Variants in MEI1 observed in about 807,000 individuals in gnomAD.
MEI1 encodes the protein meiosis inhibitor protein 1.
MEI1 carries 103 observed loss-of-function variants against 146.2 expected under a neutral mutation model. The ratio of observed to expected loss-of-function variants is 0.70; its 90% CI spans 0.60 to 0.83. MEI1 has a LOEUF of 0.83. Among genes scored for constraint, MEI1 ranks in the 40% least tolerant of loss-of-function variants. MEI1 has a pLI of 0.00. For synonymous variants in MEI1, 652 were observed against 628.2 expected, an observed-to-expected ratio of 1.04 and a Z score of -0.57; for missense variants, 1,529 against 1,533.0, an observed-to-expected ratio of 1.00 and a Z score of 0.04.
chr22:41,793,530 G>A (rs992413130), intron 26 of MEI1, among the ~76,000 whole-genome samples: 4 of 151,470 alleles, frequency 2.6e-5, no homozygotes, highest in Admixed American at 6.6e-5. Flanking sequence ...TCAAACTCCC[G>A]ACCTCAGGTG....
intron 6 of MEI1, among the ~76,000 whole-genome samples, chr22:41,723,387 A>AT (rs956458371): frequency 2.0e-5 from 3 of 151,732 alleles, no homozygotes; most frequent in African/African-American, 4.8e-5. Context: ...TACTTTTTGT[A>AT]TTTTTTTACT....
intron 14 of MEI1, 29 bp downstream of exon 14, chr22:41,746,055 GA>G: frequency 1.3e-6 from 2 of 1,543,334 alleles, no homozygotes; most frequent in Non-Finnish European, 1.8e-6. Flanking sequence ...CGGGCAACAT[GA>G]AGCTTGGGGA....
chr22:41,715,453 TG>T, intron 4 of MEI1, among the ~76,000 whole-genome samples: 1 of 151,816 alleles, frequency 6.6e-6, no homozygotes, highest in African/African-American at 2.4e-5. Flanking sequence ...TGGAGTGCAG[TG>T]GCGCAATCTT....
intron 19 of MEI1, among the ~76,000 whole-genome samples, chr22:41,763,862 A>T (rs1298065817): frequency 6.6e-6 from 1 of 152,184 alleles, no homozygotes; most frequent in African/African-American, 2.4e-5. Flanking sequence ...ACAGGAAAAG[A>T]ATCAAGCACT....
rs1188121532 is a variant in MEI1, at chr22:41,793,829, A to T, written c.3346A>T (p.Lys1116Ter). Residue 1116 changes from lysine (K) to a stop codon, truncating the protein, a stop_gained and splice_region_variant, in exon 27 of 31, where the codon AAG (lysine) becomes TAG (stop). Transcript: ENST00000401548. LOFTEE classifies it high-confidence loss of function. Reference protein sequence around the residue: ...VIGLQNLLVQKDPLLSQACVG... With the variant: ...VIGLQNLLVQ ...TGATTTTTTTTTTTTTTTTCTGCAG[A>T]AGGACCCTCTATTGTCCCAGGCCTG... The T allele has an allele frequency of 3.2e-6, 5 of 1,579,912 alleles. No individual in the cohort carries two copies. The East Asian group carries it at 9.0e-5, about 28-fold the overall frequency.
chr22:41,777,591 T>C (rs982533828), intron 21 of MEI1, among the ~76,000 whole-genome samples: 4 of 152,196 alleles, frequency 2.6e-5, no homozygotes, highest in African/African-American at 9.7e-5. Context: ...CATGTTTAGC[T>C]GATAATACTG....
At chr22:41,763,943 CTTTTTT>C (rs71184839) in intron 19 of MEI1, among the ~76,000 whole-genome samples, 1 of 91,552 alleles carries the variant, frequency 1.1e-5, no homozygotes, top group African/African-American at 4.1e-5. Context: ...GGGAAGTTTC[CTTTTTT>C]TTTTTTTTTT....
At chr22:41,743,393 A>G (rs2073035444) in intron 12 of MEI1, among the ~76,000 whole-genome samples, 199 bp downstream of exon 12, 1 of 152,198 alleles carries the variant, frequency 6.6e-6, no homozygotes, top group South Asian at 2.1e-4. Flanking sequence ...AGATGGGGAA[A>G]CTAAAGCCAC....
chr22:41,722,099 C>T (rs1258907758), intron 6 of MEI1: 3 of 150,816 alleles, frequency 2.0e-5, no homozygotes, highest in Non-Finnish European at 4.4e-5. Context: ...TTATCCTGGT[C>T]AACGGGAGTG....
At chr22:41,783,235 TAC>T (rs1435078944) in intron 24 of MEI1, among the ~76,000 whole-genome samples, 3 of 152,154 alleles carry the variant, frequency 2.0e-5, no homozygotes, top group African/African-American at 7.2e-5. Flanking sequence ...GTGCAGGTAG[TAC>T]AGAGAGTTCC....
At chr22:41,765,823 G>A (rs568928259) in intron 19 of MEI1, among the ~76,000 whole-genome samples, 1 of 143,362 alleles carries the variant, frequency 7.0e-6, no homozygotes, top group Non-Finnish European at 1.5e-5. Context: ...ATTTAACATT[G>A]TATATAATAT....
At position 41,758,260 on chromosome 22, in the gene MEI1, C is replaced by T. The variant is rs1601964368; in HGVS notation, c.1952-105C>T. The T allele has an allele frequency of 7.4e-6, 8 of 1,085,868 alleles. No homozygotes were observed. In the East Asian group the frequency reaches 1.5e-4, roughly 20 times the overall value. The allele number at this position is 1,085,868 out of a possible 1,614,324, so 67.3% of individuals were successfully genotyped here. On this transcript the variant is annotated intron_variant, in intron 17 of 30. Coordinates refer to ENST00000401548, the MANE Select transcript of MEI1 (RefSeq NM_152513.4). ...TTATTTCCCACTATACTGCATTTAC[C>T]CTTGCTGCCCTGTGCAGTACTCTGC...
At chr22:41,708,427 A>G (rs1274261635) in intron 3 of MEI1, among the ~76,000 whole-genome samples, 2 of 151,932 alleles carry the variant, frequency 1.3e-5, no homozygotes, top group Non-Finnish European at 2.9e-5. Context: ...TTCCAAGCCA[A>G]ACTGTATCCA....
intron 11 of MEI1, among the ~76,000 whole-genome samples, chr22:41,736,813 C>T (rs2072413184): frequency 6.6e-6 from 1 of 152,102 alleles, no homozygotes; most frequent in African/African-American, 2.4e-5. Flanking sequence ...AACATAGGTT[C>T]CTGGGATTAG....
At chr22:41,761,109 C>G (rs997202101) in intron 18 of MEI1, among the ~76,000 whole-genome samples, 5 of 152,004 alleles carry the variant, frequency 3.3e-5, no homozygotes, top group Non-Finnish European at 7.4e-5. Flanking sequence ...TTCAGGAGTT[C>G]AAGACCAACA....
At chr22:41,714,234 A>T (rs1420215156) in intron 4 of MEI1, among the ~76,000 whole-genome samples, 159 bp downstream of exon 4, 1 of 152,166 alleles carries the variant, frequency 6.6e-6, no homozygotes, top group Non-Finnish European at 1.5e-5. Flanking sequence ...GCCTGGGTCC[A>T]CTGATCATGC....
intron 17 of MEI1, among the ~76,000 whole-genome samples, chr22:41,757,388 G>A (rs970075679): frequency 2.6e-5 from 4 of 151,328 alleles, no homozygotes; most frequent in South Asian, 2.1e-4. Flanking sequence ...ATGGAGTTTC[G>A]CGCTTGTCAT....
At chr22:41,717,643 T>C (rs2147364644) in intron 5 of MEI1, among the ~76,000 whole-genome samples, 1 of 146,910 alleles carries the variant, frequency 6.8e-6, no homozygotes, top group African/African-American at 2.6e-5. Flanking sequence ...TGAGTTGGAG[T>C]CTCGCTCTGT....
chr22:41,795,003 G>A lies in MEI1; in HGVS notation c.3535-408G>A, dbSNP rs549276046. On this transcript the variant is annotated intron_variant, in intron 28 of 30. Transcript: ENST00000401548. This position sits in a 1 kb window ranked among gnomAD's most constrained non-coding sequence, Gnocchi z 4.2. Reference sequence around the variant, plus strand: ...AGGAAAGAGTAATTGCTTCTCAGCAGTGAAGGTAACATTTTAGCTGTGGCT... The same window carrying A: ...AGGAAAGAGTAATTGCTTCTCAGCAATGAAGGTAACATTTTAGCTGTGGCT... Among the ~76,000 whole-genome samples, 9 of 152,350 alleles carry A rather than the reference G, an allele frequency of 5.9e-5. No homozygotes were observed. The highest frequency in any genetic ancestry group is 2.6e-4 in the Admixed American group (4 of 15,304).
Sources: allele counts gnomAD v4.1 joint callset (sites outside exome capture counted in the v4.1 genomes callset), GRCh38; gene constraint gnomAD v4.1.1; non-coding constraint Gnocchi (gnomAD v3.1); transcripts MANE v1.5; gene names NCBI Gene and HGNC (gene_info 2026-07-23, HGNC 2026-07-21).